The following DPP10 variants were observed in gnomAD, a reference collection of about 807,000 sequenced individuals.
DPP10 encodes dipeptidyl peptidase like 10.
Under a neutral mutation model 120.9 loss-of-function variants are expected in DPP10, and 33 were observed. The observed-to-expected ratio is 0.27, with a 90% CI of 0.21 to 0.37. DPP10 has a LOEUF of 0.37. Ranked by LOEUF, DPP10 falls within the 10% of genes least tolerant of loss-of-function variation. The pLI, the probability that DPP10 is intolerant of heterozygous loss-of-function variation, is 1.00. For synonymous variants in DPP10, 337 were observed against 326.1 expected (o/e 1.03, Z -0.36); for missense variants, 816 against 942.8 (o/e 0.87, Z 1.76).
At chr2:114,497,308 T>TAC (rs1558814120) in intron 1 of DPP10, among the ~76,000 whole-genome samples, 10 of 66,324 alleles carry the variant, frequency 1.5e-4, no homozygotes, top group East Asian at 1.3e-3. Context: ...TATACGTGTA[T>TAC]ACATGTACAT....
chr2:115,592,282 T>A (rs1053976860), intron 5 of DPP10, among the ~76,000 whole-genome samples: 1 of 152,166 alleles, frequency 6.6e-6, no homozygotes, highest in Non-Finnish European at 1.5e-5. Context: ...TAAGGCAGGT[T>A]ATAAGAGAGA....
At chr2:115,009,395 C>G (rs1051452228) in intron 1 of DPP10, among the ~76,000 whole-genome samples, 2 of 150,076 alleles carry the variant, frequency 1.3e-5, no homozygotes, top group African/African-American at 4.9e-5. Flanking sequence ...CACATGGACA[C>G]AGGAAGGGGA....
intron 19 of DPP10, among the ~76,000 whole-genome samples, chr2:115,799,826 G>A (rs544662749): frequency 6.6e-6 from 1 of 151,974 alleles, no homozygotes; most frequent in East Asian, 1.9e-4. Context: ...TCTTAATCCA[G>A]TCTATCGTTG....
intron 5 of DPP10, among the ~76,000 whole-genome samples, chr2:115,603,102 C>G (rs2083436677): frequency 6.8e-6 from 1 of 146,374 alleles, no homozygotes. Context: ...TGAATGTTAT[C>G]ATTTAAAAAA....
intron 1 of DPP10, among the ~76,000 whole-genome samples, chr2:115,216,539 T>C (rs1269787866): frequency 6.6e-6 from 1 of 152,066 alleles, no homozygotes; most frequent in Non-Finnish European, 1.5e-5. Flanking sequence ...ATCCAAGCAC[T>C]TTGGGAGGCC....
intron 1 of DPP10, among the ~76,000 whole-genome samples, chr2:115,093,646 AG>A (rs1709468536): frequency 2.0e-5 from 3 of 152,130 alleles, no homozygotes; most frequent in Admixed American, 1.3e-4. Flanking sequence ...TAAGTTAAAA[AG>A]TTTTTGTAGG....
chr2:115,410,470 G>A (rs1372379895), intron 3 of DPP10, among the ~76,000 whole-genome samples: 2 of 152,160 alleles, frequency 1.3e-5, no homozygotes, highest in Non-Finnish European at 2.9e-5. Flanking sequence ...ACACACTGGG[G>A]CCTGTTTAGG....
chr2:115,823,691 ATTTG>A (rs916667126), intron 21 of DPP10, among the ~76,000 whole-genome samples: 19 of 151,850 alleles, frequency 1.3e-4, no homozygotes, highest in African/African-American at 4.6e-4. Flanking sequence ...TGTTTTATTT[ATTTG>A]TTTGGTTGGT....
intron 1 of DPP10, among the ~76,000 whole-genome samples, chr2:115,045,518 CT>C (rs1459763645): frequency 6.6e-6 from 1 of 152,150 alleles, no homozygotes; most frequent in Non-Finnish European, 1.5e-5. Flanking sequence ...TTCTACCCAG[CT>C]GAATTCTGCC....
intron 1 of DPP10, among the ~76,000 whole-genome samples, chr2:114,497,297 G>GTA (rs1553451056): frequency 1.1e-4 from 5 of 47,598 alleles, no homozygotes; most frequent in African/African-American, 3.7e-4. Flanking sequence ...ACATGTACAT[G>GTA]TATACGTGTA....
intron 4 of DPP10, among the ~76,000 whole-genome samples, chr2:115,503,598 A>G (rs143446123): frequency 1.3e-5 from 2 of 152,266 alleles, no homozygotes; most frequent in East Asian, 1.9e-4. Flanking sequence ...ATAGTAATGG[A>G]TGATTTGTTA....
At chr2:114,752,974 T>C (rs953596296) in intron 1 of DPP10, among the ~76,000 whole-genome samples, 1 of 152,154 alleles carries the variant, frequency 6.6e-6, no homozygotes, top group African/African-American at 2.4e-5. Context: ...CCTGTGAGCA[T>C]CCCTTGATGG....
chr2:114,955,773 C>T (rs78329944), intron 1 of DPP10, among the ~76,000 whole-genome samples: 17 of 152,060 alleles, frequency 1.1e-4, no homozygotes, highest in African/African-American at 2.4e-4. Context: ...ATGCTTGGGA[C>T]GGAAAGATGG....
At chr2:115,806,552 C>T (rs972277282) in intron 19 of DPP10, among the ~76,000 whole-genome samples, 2 of 152,078 alleles carry the variant, frequency 1.3e-5, no homozygotes, top group Non-Finnish European at 1.5e-5. Flanking sequence ...AGTATTGTAT[C>T]ACCACCATAC....
At chr2:114,468,735 G>T (rs1679643444) in intron 1 of DPP10, among the ~76,000 whole-genome samples, 1 of 152,150 alleles carries the variant, frequency 6.6e-6, no homozygotes, top group African/African-American at 2.4e-5. Context: ...CGAAAGAAAA[G>T]CAGATTTACC....
At chr2:114,984,543 G>A (rs1244148597) in intron 1 of DPP10, among the ~76,000 whole-genome samples, 2 of 152,150 alleles carry the variant, frequency 1.3e-5, no homozygotes, top group African/African-American at 4.8e-5. Flanking sequence ...TGTGGCCCCA[G>A]CTACTTAGGA....
intron 1 of DPP10, among the ~76,000 whole-genome samples, chr2:114,697,977 T>C (rs1573991897): frequency 6.6e-6 from 1 of 152,216 alleles, no homozygotes; most frequent in Admixed American, 6.5e-5. Context: ...ACAATTCCAC[T>C]GTGACCTGTT....
intron 3 of DPP10, among the ~76,000 whole-genome samples, chr2:115,388,157 A>G (rs2067081035): frequency 6.6e-6 from 1 of 152,226 alleles, no homozygotes; most frequent in Admixed American, 6.5e-5. Flanking sequence ...GTGAGGTGGG[A>G]ATGCATGTAG....
intron 1 of DPP10, among the ~76,000 whole-genome samples, chr2:114,942,340 C>CACACACATATATATATAT (rs1558904069): frequency 1.8e-5 from 2 of 108,338 alleles, no homozygotes; most frequent in Non-Finnish European, 3.5e-5. Flanking sequence ...TATATATATA[C>CACACACATATATATATAT]GTATATATAC....
Sources: allele counts gnomAD v4.1 joint callset (sites outside exome capture counted in the v4.1 genomes callset), GRCh38; gene constraint gnomAD v4.1.1; transcripts MANE v1.5; gene names NCBI Gene and HGNC (gene_info 2026-07-23, HGNC 2026-07-21).